ADAMTSL3: variants seen among roughly 807,000 people sequenced by gnomAD.
ADAMTSL3 encodes the protein ADAMTS-like protein 3.
In ADAMTSL3, 128 loss-of-function variants were observed where a neutral mutation model predicts 201.7. That is an observed-to-expected ratio of 0.63 (90% CI 0.55 to 0.73). The LOEUF is 0.73. Ranked by LOEUF, ADAMTSL3 falls within the 30% of genes least tolerant of loss-of-function variation. ADAMTSL3 has a pLI of 0.00. For missense variants in ADAMTSL3, 1,990 were observed against 2,119.6 expected (o/e 0.94, Z 1.20); for synonymous variants, 738 against 748.4 (o/e 0.99, Z 0.23).
chr15:83,862,518 T>C (rs1456444359), intron 8 of ADAMTSL3: 1 of 152,154 alleles, frequency 6.6e-6, no homozygotes, highest in Non-Finnish European at 1.5e-5. Context: ...CCAGCCAAAC[T>C]AAGCTTCATA....
chr15:83,939,550 A>G (rs1335376278), intron 17 of ADAMTSL3, among the ~76,000 whole-genome samples: 1 of 151,628 alleles, frequency 6.6e-6, no homozygotes, highest in Middle Eastern at 3.2e-3. Flanking sequence ...CTGATTTTAT[A>G]ATGTGTGCCT....
chr15:83,929,242 G>A (rs1030690084), intron 17 of ADAMTSL3, among the ~76,000 whole-genome samples: 6 of 152,178 alleles, frequency 3.9e-5, no homozygotes. Context: ...GAAACAGAGT[G>A]GCTTAAAGAA....
At chr15:83,908,097 C>T (rs2141945905) in intron 15 of ADAMTSL3, among the ~76,000 whole-genome samples, 1 of 152,244 alleles carries the variant, frequency 6.6e-6, no homozygotes, top group East Asian at 1.9e-4. Context: ...TTTTCTTATT[C>T]TGGAATTAGA....
rs2063021115 is a variant in ADAMTSL3, at chr15:83,773,537, T to G, written c.204T>G (p.Thr68=). The stretch of plus-strand genomic sequence containing the variant: ...TTAACATCTAGACCTCAAGAAACAC[T>G]CGTTCAGATGAAGACAAAGATGGCA... ...YRYDDQTSRN[T]RSDEDKDGNW... is the part of the protein sequence containing the mutation. Residue 68 remains threonine, a synonymous_variant, in exon 4 of 30, where the codon ACT becomes ACG. Transcript: ENST00000286744. 1.9e-6 allele frequency: 3 copies of G among 1,610,014 alleles called. No homozygotes were observed. Among genetic ancestry groups the G allele is most frequent in the Non-Finnish European group, 2.5e-6 (3 of 1,177,920 alleles).
intron 20 of ADAMTSL3, among the ~76,000 whole-genome samples, chr15:83,978,732 C>A (rs1173668207): frequency 1.3e-5 from 2 of 152,224 alleles, no homozygotes; most frequent in African/African-American, 2.4e-5. Context: ...GTTTACTCCC[C>A]AGGCACACCT....
At chr15:83,678,276 A>G (rs1434733021) in intron 2 of ADAMTSL3, among the ~76,000 whole-genome samples, 2 of 151,986 alleles carry the variant, frequency 1.3e-5, no homozygotes, top group Middle Eastern at 3.4e-3. Flanking sequence ...ATCTTCTGTT[A>G]TTTTATCCTT....
chr15:83,931,865 G>A (rs974425838), intron 17 of ADAMTSL3, among the ~76,000 whole-genome samples: 1 of 152,070 alleles, frequency 6.6e-6, no homozygotes, highest in African/African-American at 2.4e-5. Context: ...GATGATTTGG[G>A]GAAAGGGAAG....
intron 28 of ADAMTSL3, among the ~76,000 whole-genome samples, chr15:84,036,545 A>T (rs1042845724): frequency 2.0e-5 from 3 of 152,194 alleles, no homozygotes; most frequent in African/African-American, 7.2e-5. Context: ...TGCCCTCTTC[A>T]TCAGAGCACA....
intron 8 of ADAMTSL3, 65 bp downstream of exon 8, chr15:83,858,905 AAAAC>A: frequency 1.4e-6 from 2 of 1,392,602 alleles, no homozygotes; most frequent in Non-Finnish European, 2.0e-6. Context: ...AAAAAAACAA[AAAAC>A]AAAAAACCCA....
chr15:83,717,961 T>C (rs926745395), intron 3 of ADAMTSL3, among the ~76,000 whole-genome samples: 1 of 152,246 alleles, frequency 6.6e-6, no homozygotes, highest in Non-Finnish European at 1.5e-5. Context: ...TTTGGTTTTT[T>C]ATTCTGGTAA....
At chr15:83,873,175 G>A (rs1415669526) in intron 9 of ADAMTSL3, among the ~76,000 whole-genome samples, 1 of 143,936 alleles carries the variant, frequency 6.9e-6, no homozygotes, top group Non-Finnish European at 1.5e-5. Flanking sequence ...GTGGTGGCAC[G>A]CACCTGTAAT....
At chr15:83,748,896 G>A (rs1438301981) in intron 3 of ADAMTSL3, among the ~76,000 whole-genome samples, 2 of 152,142 alleles carry the variant, frequency 1.3e-5, no homozygotes, top group Non-Finnish European at 2.9e-5. Context: ...GGGGCTGGGA[G>A]TGTTGCATGC....
chr15:83,779,803 A>T (rs571781043), intron 4 of ADAMTSL3, among the ~76,000 whole-genome samples: 18 of 152,142 alleles, frequency 1.2e-4, no homozygotes, highest in Non-Finnish European at 2.2e-4. Flanking sequence ...ATCACATGGA[A>T]ATTGAATAAC....
At chr15:83,773,501 T>C (rs1379253707) in intron 3 of ADAMTSL3, 22 bp from the exon 4 acceptor site, 1 of 1,610,178 alleles carries the variant, frequency 6.2e-7, no homozygotes, top group Non-Finnish European at 8.5e-7. Flanking sequence ...TTTTTTTTGT[T>C]TGTTTGCTTT....
At chr15:83,907,067 C>T (rs1280116156) in intron 15 of ADAMTSL3, among the ~76,000 whole-genome samples, 1 of 143,828 alleles carries the variant, frequency 7.0e-6, no homozygotes, top group Non-Finnish European at 1.5e-5. Context: ...GCACTCCAGC[C>T]TGGGTGACAG....
intron 27 of ADAMTSL3, among the ~76,000 whole-genome samples, chr15:84,029,816 G>GC (rs1480033604): frequency 1.3e-5 from 2 of 152,212 alleles, no homozygotes; most frequent in African/African-American, 4.8e-5. Context: ...CCTGGGCTGA[G>GC]CCCAGGAACT....
intron 19 of ADAMTSL3, among the ~76,000 whole-genome samples, chr15:83,952,705 T>G (rs1269723908): frequency 6.6e-6 from 1 of 151,506 alleles, no homozygotes; most frequent in Non-Finnish European, 1.5e-5. Flanking sequence ...ACTTGGGAGG[T>G]TGAGGCGAGA....
At chr15:83,992,212 A>G (rs1033585581) in intron 23 of ADAMTSL3, among the ~76,000 whole-genome samples, 1 of 152,170 alleles carries the variant, frequency 6.6e-6, no homozygotes, top group Non-Finnish European at 1.5e-5. Context: ...GAGGGATCCC[A>G]GGACACACTT....
intron 19 of ADAMTSL3, among the ~76,000 whole-genome samples, chr15:83,949,682 G>A (rs2066723172): frequency 6.6e-6 from 1 of 152,068 alleles, no homozygotes; most frequent in Non-Finnish European, 1.5e-5. Flanking sequence ...GTTATTGCCT[G>A]TCTTTTAGAT....
Sources: gnomAD v4.1 joint callset for allele counts (sites outside exome capture counted in the v4.1 genomes callset) on GRCh38, gnomAD v4.1.1 for gene constraint, MANE v1.5 for transcripts, NCBI Gene and HGNC (gene_info 2026-07-23, HGNC 2026-07-21) for gene names.